Variants in SEPTIN5 observed in about 807,000 individuals in gnomAD.
SEPTIN5 encodes the protein septin 5, also known as septin-5.
In SEPTIN5, 16 loss-of-function variants were observed where a neutral mutation model predicts 51.2. The ratio of observed to expected loss-of-function variants is 0.31; its 90% CI spans 0.21 to 0.47. The LOEUF is 0.47. SEPTIN5 is among the 20% of genes least tolerant of loss of function. The pLI, the probability that SEPTIN5 is intolerant of heterozygous loss-of-function variation, is 0.99. For missense variants in SEPTIN5, 376 were observed against 500.3 expected (o/e 0.75, Z 2.37); for synonymous variants, 208 against 191.2 (o/e 1.09, Z -0.72).
intron 2 of SEPTIN5, 122 bp from the exon 3 acceptor site, chr22:19,719,480 G>A (rs2145788977): frequency 1.3e-6 from 1 of 783,100 alleles, no homozygotes; most frequent in Non-Finnish European, 2.0e-6. Flanking sequence ...TTTTGCCAAC[G>A]AAATGCCCCA....
rs1601235899 is a variant in SEPTIN5 at position 19,714,511 on chromosome 22, G to C, written c.-78G>C. ...GCGCGGAGGGGCCGCTCACCCCGCA[G>C]CCCGGCCTCGGCCTCCGCCGCTTGT... is the stretch of plus-strand genomic sequence containing the variant. On this transcript the variant is annotated 5_prime_UTR_variant, in exon 1 of 12. Transcript: ENST00000455784. This position sits in a 1 kb window ranked among gnomAD's most constrained non-coding sequence, Gnocchi z 5.2. 9.6e-7 allele frequency: 1 copy of C among 1,040,606 alleles called. No individual in the cohort carries two copies. Among genetic ancestry groups the C allele is most frequent in the East Asian group, 4.0e-5 (1 of 24,854 alleles). 64.5% of individuals were successfully genotyped at this position (1,040,606 alleles called of 1,614,324 possible).
At position 19,720,100 on chromosome 22, in the gene SEPTIN5, G is replaced by C. The variant is rs1935996042; in HGVS notation, c.239-15G>C. 1 of 1,612,916 alleles carries C rather than the reference G, an allele frequency of 6.2e-7. No individual in the cohort carries two copies. The highest frequency in any genetic ancestry group is 8.5e-7 in the Non-Finnish European group (1 of 1,179,972). On this transcript the variant is annotated splice_polypyrimidine_tract_variant and intron_variant, in intron 4 of 11. Coordinates refer to ENST00000455784, the MANE Select transcript of SEPTIN5 (RefSeq NM_002688.6). ...GAGGGTTGGAGAGGCCCTTCCAGTG[G>C]CCCCTTCCCCGTAGAGCGCATCAGC...
Position 19,722,315 on chromosome 22 carries a change from G to A in SEPTIN5, c.1029G>A (p.Lys343=), listed in dbSNP as rs369063787. 12 of 1,611,104 alleles carry A rather than the reference G, an allele frequency of 7.4e-6. No homozygotes were observed. Among genetic ancestry groups the A allele is most frequent in the Non-Finnish European group, 1.0e-5 (12 of 1,179,286 alleles). ...CCACCCCGGACGCCGAGACTGAGAA[G>A]CTTATCAGGATGAAGGATGAGGAAG... ...PLPTPDAETE[K]LIRMKDEELR... Residue 343 remains lysine, a synonymous_variant, in exon 11 of 12, where the codon AAG becomes AAA. Coordinates refer to ENST00000455784, the MANE Select transcript of SEPTIN5 (RefSeq NM_002688.6).
chr22:19,719,202 T>G (rs1294201731), intron 2 of SEPTIN5: 1 of 223,240 alleles, frequency 4.5e-6, no homozygotes. Flanking sequence ...CCCCTGGCAC[T>G]CTCCGGAGGG....
At chr22:19,721,369 G>C (rs898575179) in intron 8 of SEPTIN5, among the ~76,000 whole-genome samples, 5 of 152,186 alleles carry the variant, frequency 3.3e-5, no homozygotes, top group Non-Finnish European at 7.4e-5. Flanking sequence ...GGAAGGGGCA[G>C]CTGGAGGGGG....
chr22:19,715,449 G>A (rs993050705), intron 2 of SEPTIN5, among the ~76,000 whole-genome samples: 1 of 151,560 alleles, frequency 6.6e-6, no homozygotes, highest in Non-Finnish European at 1.5e-5. Flanking sequence ...GCTGGTCTAG[G>A]CACCTGGGTG....
intron 2 of SEPTIN5, chr22:19,718,375 G>T: frequency 9.9e-7 from 1 of 1,013,094 alleles, no homozygotes; most frequent in Middle Eastern, 4.8e-4. Flanking sequence ...ATTTCCAGGC[G>T]ACCGTTTCCC....
intron 10 of SEPTIN5, 27 bp from the exon 11 acceptor site, chr22:19,722,210 G>A: frequency 3.3e-6 from 3 of 901,836 alleles, no homozygotes; most frequent in African/African-American, 1.7e-5. Flanking sequence ...GCGCCGCCCC[G>A]CCCATCCTCC....
intron 2 of SEPTIN5, among the ~76,000 whole-genome samples, chr22:19,715,608 G>T (rs1160205352): frequency 2.0e-5 from 3 of 152,240 alleles, no homozygotes; most frequent in Admixed American, 6.5e-5. Context: ...AAAAAGAAGA[G>T]CCCAATTCTG....
At position 19,723,049 on chromosome 22, in the gene SEPTIN5, C is replaced by T; in HGVS notation, c.*565C>T. 1 of 485,424 alleles carries T rather than the reference C, an allele frequency of 2.1e-6. No homozygotes were observed. 30.1% of individuals were successfully genotyped at this position (485,424 alleles called of 1,614,324 possible). A position where few individuals can be genotyped will look rare whatever the true frequency, so the allele number is the denominator to read the frequency against. On this transcript the variant is annotated 3_prime_UTR_variant, in exon 12 of 12. Transcript: ENST00000455784. Reference sequence around the variant, plus strand: ...AGGCTGCAAGGAGCGGGGTCGTGACCGCTTACACCCCTTCTCCACAGCCCG... The same window carrying T: ...AGGCTGCAAGGAGCGGGGTCGTGACTGCTTACACCCCTTCTCCACAGCCCG...
At chr22:19,715,049 C>T (rs1205638951) in intron 2 of SEPTIN5, among the ~76,000 whole-genome samples, 1 of 152,226 alleles carries the variant, frequency 6.6e-6, no homozygotes, top group Non-Finnish European at 1.5e-5. Context: ...GAGTGTCCCC[C>T]TCCCACAGGG....
In SEPTIN5 at chr22:19,714,645, C is replaced by CTTCCCGCG. The variant is rs1555890374; in HGVS notation, c.43+15_43+16insTCCCGCGT. 3 of 1,510,188 alleles carry CTTCCCGCG rather than the reference C, an allele frequency of 2.0e-6. No individual in the cohort carries two copies. Among genetic ancestry groups the CTTCCCGCG allele is most frequent in the Non-Finnish European group, 2.6e-6 (3 of 1,134,526 alleles). The allele number at this position is 1,510,188 out of a possible 1,614,324, so 93.5% of individuals were successfully genotyped here. On this transcript the variant is annotated intron_variant, in intron 1 of 11. Transcript: ENST00000455784. This position sits in a 1 kb window ranked among gnomAD's most constrained non-coding sequence, Gnocchi z 5.2. ...TGGCGACCCCAGGTGAGCCCAGCGCCTGCCCGCGTGCCCGCGCGCGCCTTT... is the reference window on the plus strand; with the variant it reads ...TGGCGACCCCAGGTGAGCCCAGCGCCTTCCCGCGTGCCCGCGTGCCCGCGCGCGCCTTT...
At position 19,721,877 on chromosome 22, in the gene SEPTIN5, G is replaced by A; in HGVS notation, c.870G>A (p.Thr290=). Residue 290 remains threonine (T), a synonymous_variant, in exon 10 of 12, where the codon ACG becomes ACA. Coordinates refer to ENST00000455784, the MANE Select transcript of SEPTIN5 (RefSeq NM_002688.6). The part of the protein sequence containing the change: ...FVKLRNMLIR[T]HMHDLKDVTC... The stretch of plus-strand genomic sequence containing the variant: ...AGCTGCGCAACATGCTCATCCGCAC[G>A]CATATGCACGACCTCAAGGACGTGA... 1 of 1,584,928 alleles carries A rather than the reference G, an allele frequency of 6.3e-7. No homozygotes were observed. The highest frequency in any genetic ancestry group is 8.6e-7 in the Non-Finnish European group (1 of 1,162,516).
chr22:19,716,765 A>G (rs1186308228), intron 2 of SEPTIN5, among the ~76,000 whole-genome samples: 1 of 152,180 alleles, frequency 6.6e-6, no homozygotes, highest in Non-Finnish European at 1.5e-5. Flanking sequence ...TCTGAGAGCC[A>G]CACACTCTGT....
rs1420816868 is a variant in SEPTIN5 at position 19,714,604 on chromosome 22, C to A, written c.16C>A (p.Arg6=). 8 of 1,494,888 alleles carry A rather than the reference C, an allele frequency of 5.4e-6. No homozygotes were observed. The Admixed American group carries it at 8.6e-5, about 16-fold the overall frequency. The allele number at this position is 1,494,888 out of a possible 1,614,324, so 92.6% of individuals were successfully genotyped here. The change falls in exon 1 of 12, where the codon CGG becomes AGG. Residue 6 remains arginine (R), a synonymous_variant. Transcript: ENST00000455784. This position sits in a 1 kb window ranked among gnomAD's most constrained non-coding sequence, Gnocchi z 5.2. ...GGCGGCCACCATGAGCACAGGCCTG[C>A]GGTACAAGAGCAAGCTGGCGACCCC... MSTGL[R]YKSKLATPED...
At position 19,714,987 on chromosome 22, in the gene SEPTIN5, G is replaced by T. The variant is rs78916272; in HGVS notation, c.54+196G>T. Among the ~76,000 whole-genome samples the T allele has an allele frequency of 0.042, 6,372 of 152,306 alleles. 403 individuals carry two copies. The highest frequency in any genetic ancestry group is 0.14 in the African/African-American group (5,866 of 41,564). The stretch of plus-strand genomic sequence containing the variant: ...GAGAGGAGTGGGGGCCCTGGTCCCC[G>T]GACCCGCACAGCAGGGACCCTGCGC... On this transcript the variant is annotated intron_variant, in intron 2 of 11. Coordinates refer to ENST00000455784, the MANE Select transcript of SEPTIN5 (RefSeq NM_002688.6). The surrounding 1 kb of genome is among the most constrained non-coding windows in gnomAD (Gnocchi z 5.2).
chr22:19,714,811 C>T lies in SEPTIN5; in HGVS notation c.54+20C>T, dbSNP rs1935891115. The stretch of plus-strand genomic sequence containing the variant: ...AAGCAGGTACGTGCGCAGCGCCGCT[C>T]CCCCGCCGGGAGACCCGGCCGGCTG... On this transcript the variant is annotated intron_variant, in intron 2 of 11. Transcript: ENST00000455784. This position sits in a 1 kb window ranked among gnomAD's most constrained non-coding sequence, Gnocchi z 5.2. 2 of 1,593,636 alleles carry T rather than the reference C, an allele frequency of 1.3e-6. No homozygotes were observed. Among genetic ancestry groups the T allele is most frequent in the East Asian group, 2.3e-5 (1 of 43,946 alleles).
At position 19,723,229 on chromosome 22, in the gene SEPTIN5, T is replaced by C; in HGVS notation, c.*745T>C. 1 of 636,820 alleles carries C rather than the reference T, an allele frequency of 1.6e-6. No individual in the cohort carries two copies. Among genetic ancestry groups the C allele is most frequent in the Non-Finnish European group, 2.9e-6 (1 of 342,866 alleles). The allele number at this position is 636,820 out of a possible 1,614,324, so 39.4% of individuals were successfully genotyped here. A position where few individuals can be genotyped will look rare whatever the true frequency, so the allele number is the denominator to read the frequency against. Reference sequence around the variant, plus strand: ...AGGCCTCCCGATGTTCCCACCCGCATGATCCCTTCCCGCCACACGATGCTC... The same window carrying C: ...AGGCCTCCCGATGTTCCCACCCGCACGATCCCTTCCCGCCACACGATGCTC... On this transcript the variant is annotated 3_prime_UTR_variant, in exon 12 of 12. Coordinates refer to ENST00000455784, the MANE Select transcript of SEPTIN5 (RefSeq NM_002688.6).
chr22:19,721,994 T>C (rs1230940585), intron 10 of SEPTIN5, 37 bp downstream of exon 10: 6 of 1,583,030 alleles, frequency 3.8e-6, no homozygotes, highest in African/African-American at 2.7e-5. Flanking sequence ...CTCGCCCCTC[T>C]GGCCCCGCCC....
Sources: allele counts gnomAD v4.1 joint callset (sites outside exome capture counted in the v4.1 genomes callset), GRCh38; gene constraint gnomAD v4.1.1; non-coding constraint Gnocchi (gnomAD v3.1); transcripts MANE v1.5; gene names NCBI Gene and HGNC (gene_info 2026-07-23, HGNC 2026-07-21).